The following IGBP1C variants were observed in gnomAD, a reference collection of about 807,000 sequenced individuals.
The protein encoded by IGBP1C is immunoglobulin-binding protein 1 family member C.
At chr17:58,686,861 CTTTTTTTTTTTTTTTTTT>C in the IGBP1C span, among the ~76,000 whole-genome samples, 2 of 71,538 alleles carry the variant, frequency 2.8e-5, no homozygotes, top group South Asian at 1.2e-3. Context: ...GAAAGGTCAC[CTTTTTTTTTTTTTTTTTT>C]TTTTTTTTTT....
the IGBP1C span, chr17:58,661,488 G>A: frequency 2.6e-6 from 2 of 781,090 alleles, no homozygotes; most frequent in South Asian, 2.7e-5. Context: ...TGGACTATTC[G>A]GGAACCGGTG....
At chr17:58,679,083 G>C in the IGBP1C span, among the ~76,000 whole-genome samples, 1 of 152,100 alleles carries the variant, frequency 6.6e-6, no homozygotes, top group East Asian at 1.9e-4. Context: ...GAACCCTTGA[G>C]GCTGAGGTTG....
chr17:58,661,230 CCA>C, the IGBP1C span: 2 of 795,298 alleles, frequency 2.5e-6, no homozygotes, highest in Non-Finnish European at 4.6e-6. Context: ...TCAAACTCGG[CCA>C]CACGATAGTA....
At chr17:58,685,351 G>A in the IGBP1C span, among the ~76,000 whole-genome samples, 1 of 151,286 alleles carries the variant, frequency 6.6e-6, no homozygotes, top group Non-Finnish European at 1.5e-5. Context: ...CAGGACAATC[G>A]CTTGAACGTG....
the IGBP1C span, chr17:58,666,407 A>C: frequency 7.5e-6 from 1 of 134,220 alleles, no homozygotes; most frequent in East Asian, 2.5e-4. Flanking sequence ...ATGAATTCGG[A>C]TGCCACTGCA....
chr17:58,679,962 C>A, the IGBP1C span, among the ~76,000 whole-genome samples: 44 of 152,206 alleles, frequency 2.9e-4, 1 homozygote, highest in East Asian at 7.5e-3. Flanking sequence ...TCCTAGTATG[C>A]TTGGTGACAC....
chr17:58,665,385 G>C, the IGBP1C span, among the ~76,000 whole-genome samples: 1 of 150,918 alleles, frequency 6.6e-6, no homozygotes, highest in East Asian at 2.0e-4. Context: ...AGGATGGCTT[G>C]AGGCCAGCAG....
the IGBP1C span, among the ~76,000 whole-genome samples, chr17:58,683,281 G>A: frequency 1.3e-5 from 2 of 151,408 alleles, no homozygotes; most frequent in African/African-American, 2.4e-5. Context: ...GCTGAGGCAG[G>A]AGAATTGCTC....
the IGBP1C span, among the ~76,000 whole-genome samples, chr17:58,665,611 C>CA: frequency 6.0e-5 from 9 of 151,172 alleles, no homozygotes; most frequent in Non-Finnish European, 1.3e-4. Flanking sequence ...AAACAAAAAA[C>CA]AAAAAAACCC....
the IGBP1C span, among the ~76,000 whole-genome samples, chr17:58,665,184 G>A: frequency 6.6e-6 from 1 of 151,996 alleles, no homozygotes; most frequent in South Asian, 2.1e-4. Context: ...TAGAGATAGG[G>A]TCTCGCTATG....
chr17:58,665,914 G>A, the IGBP1C span, among the ~76,000 whole-genome samples: 4 of 151,946 alleles, frequency 2.6e-5, no homozygotes, highest in African/African-American at 9.7e-5. Context: ...ACGCGTGGTG[G>A]CGGGTGCCTG....
At chr17:58,661,316 A>C in the IGBP1C span, 1 of 850,304 alleles carries the variant, frequency 1.2e-6, no homozygotes, top group East Asian at 2.4e-5. Flanking sequence ...ACGGGGGTTG[A>C]CTTGTTTCAT....
chr17:58,673,622 C>T, the IGBP1C span, among the ~76,000 whole-genome samples: 6 of 152,146 alleles, frequency 3.9e-5, no homozygotes, highest in South Asian at 1.0e-3. Context: ...AATGCAGTCA[C>T]GCAATTTCAG....
the IGBP1C span, among the ~76,000 whole-genome samples, chr17:58,670,708 G>A: frequency 7.0e-6 from 1 of 142,116 alleles, no homozygotes; most frequent in African/African-American, 2.6e-5. Flanking sequence ...GGGAGGTGGA[G>A]GTTGCAGTGA....
the IGBP1C span, among the ~76,000 whole-genome samples, chr17:58,669,116 G>C: frequency 0.62 from 94,611 of 151,834 alleles, 29,884 homozygotes; most frequent in African/African-American, 0.71. Context: ...CTTTGGGAGG[G>C]TGAGGTGGGC....
At chr17:58,688,980 G>C in the IGBP1C span, among the ~76,000 whole-genome samples, 1 of 152,018 alleles carries the variant, frequency 6.6e-6, no homozygotes, top group Non-Finnish European at 1.5e-5. Context: ...ACAGAGGCTG[G>C]AGTGCAGTGG....
chr17:58,691,247 A>G, the IGBP1C span, among the ~76,000 whole-genome samples: 49 of 152,154 alleles, frequency 3.2e-4, no homozygotes, highest in Non-Finnish European at 6.0e-4. Flanking sequence ...GCCATTTGAA[A>G]TGTGTGGGAT....
the IGBP1C span, among the ~76,000 whole-genome samples, chr17:58,691,211 C>T: frequency 2.0e-5 from 3 of 152,078 alleles, no homozygotes; most frequent in South Asian, 6.2e-4. Context: ...CTTCCATGTC[C>T]TTATCTTCCT....
At chr17:58,671,449 A>G in the IGBP1C span, among the ~76,000 whole-genome samples, 1 of 152,018 alleles carries the variant, frequency 6.6e-6, no homozygotes, top group African/African-American at 2.4e-5. Context: ...TATCTCTAAC[A>G]TCTTTCTCTT....
Sources: allele counts gnomAD v4.1 joint callset (sites outside exome capture counted in the v4.1 genomes callset), GRCh38; gene constraint gnomAD v4.1.1; transcripts MANE v1.5; gene names NCBI Gene and HGNC (gene_info 2026-07-23, HGNC 2026-07-21).